Variants in DPP6 observed in about 807,000 individuals in gnomAD.
DPP6 encodes the protein A-type potassium channel modulatory protein DPP6.
Under a neutral mutation model 122.6 loss-of-function variants are expected in DPP6, and 69 were observed. That is an observed-to-expected ratio of 0.56 (90% CI 0.46 to 0.69). The LOEUF (loss-of-function observed/expected upper bound fraction) is 0.69. Ranked by LOEUF, DPP6 falls within the 30% of genes least tolerant of loss-of-function variation. DPP6 has a pLI of 0.00. For synonymous variants in DPP6, 418 were observed against 433.1 expected (o/e 0.97, Z 0.43); for missense variants, 928 against 1,116.9 (o/e 0.83, Z 2.41).
At chr7:154,454,971 C>G (rs116480532) in intron 2 of DPP6, among the ~76,000 whole-genome samples, 2,260 of 152,188 alleles carry the variant, frequency 0.015, 67 homozygotes, top group African/African-American at 0.052. Flanking sequence ...GTTCCAATTG[C>G]AGGTGTCCGT....
intron 7 of DPP6, among the ~76,000 whole-genome samples, chr7:154,702,640 G>A (rs1840589322): frequency 6.6e-6 from 1 of 152,240 alleles, no homozygotes; most frequent in Admixed American, 6.5e-5. Flanking sequence ...AAGGCCAAGG[G>A]AGGTAACGAG....
intron 1 of DPP6, among the ~76,000 whole-genome samples, chr7:154,149,166 G>T (rs1000225690): frequency 6.6e-6 from 1 of 152,268 alleles, no homozygotes; most frequent in Non-Finnish European, 1.5e-5. Context: ...AACAATTGCA[G>T]TGCCTTTACA....
At chr7:154,182,386 C>T (rs1478689712) in intron 1 of DPP6, among the ~76,000 whole-genome samples, 2 of 152,038 alleles carry the variant, frequency 1.3e-5, no homozygotes, top group Non-Finnish European at 2.9e-5. Context: ...CTCTGCTGTC[C>T]CCCTCCTCAT....
At chr7:154,341,232 G>A (rs1263332805) in intron 1 of DPP6, among the ~76,000 whole-genome samples, 2 of 152,166 alleles carry the variant, frequency 1.3e-5, no homozygotes, top group East Asian at 1.9e-4. Flanking sequence ...GGTGTCAAGT[G>A]CAGCGAGGAT....
chr7:154,648,185 T>C (rs1563057579), intron 6 of DPP6, among the ~76,000 whole-genome samples: 2 of 151,748 alleles, frequency 1.3e-5, no homozygotes, highest in African/African-American at 2.4e-5. Context: ...GTTTGAACCC[T>C]TGAACCTGCG....
At chr7:153,921,279 C>G (rs1800626863) in intron 1 of DPP6, among the ~76,000 whole-genome samples, 1 of 152,238 alleles carries the variant, frequency 6.6e-6, no homozygotes. Flanking sequence ...CCTCAGGCCT[C>G]TAGGGTTCTG....
At chr7:154,719,710 C>T (rs1458300008) in intron 7 of DPP6, among the ~76,000 whole-genome samples, 1 of 152,212 alleles carries the variant, frequency 6.6e-6, no homozygotes, top group Non-Finnish European at 1.5e-5. Flanking sequence ...ATGCAGTTCC[C>T]CTGCCTCCCT....
intron 1 of DPP6, among the ~76,000 whole-genome samples, chr7:154,247,879 T>C (rs1038654264): frequency 2.6e-5 from 4 of 152,184 alleles, no homozygotes; most frequent in Admixed American, 1.3e-4. Context: ...TAATAAATAA[T>C]TGTGATCTAT....
the DPP6 span, among the ~76,000 whole-genome samples, chr7:153,776,547 C>T: frequency 3.9e-5 from 6 of 152,138 alleles, no homozygotes; most frequent in African/African-American, 7.2e-5. Context: ...TTACCCAGTC[C>T]TGGGTATGTC....
intron 1 of DPP6, among the ~76,000 whole-genome samples, chr7:154,426,918 G>C (rs1817967774): frequency 6.6e-6 from 1 of 151,642 alleles, no homozygotes; most frequent in Non-Finnish European, 1.5e-5. Context: ...GGAGTCAAAA[G>C]TGTTTGTTTA....
At chr7:154,633,481 C>T (rs1835531209) in intron 5 of DPP6, among the ~76,000 whole-genome samples, 1 of 152,206 alleles carries the variant, frequency 6.6e-6, no homozygotes, top group South Asian at 2.1e-4. Flanking sequence ...GGTGATCCAC[C>T]CGCCTCAGCC....
intron 1 of DPP6, among the ~76,000 whole-genome samples, chr7:154,045,114 T>G (rs1169253610): frequency 6.6e-6 from 1 of 151,544 alleles, no homozygotes; most frequent in Non-Finnish European, 1.5e-5. Flanking sequence ...AAACATCAGT[T>G]CAAGGGCGAA....
chr7:154,239,818 CAAA>C (rs146860382), intron 1 of DPP6, among the ~76,000 whole-genome samples: 2 of 91,856 alleles, frequency 2.2e-5, no homozygotes, highest in Non-Finnish European at 2.6e-5. Flanking sequence ...ACTAAAACTA[CAAA>C]AAAAAAAAAA....
the DPP6 span, among the ~76,000 whole-genome samples, chr7:153,846,903 T>C: frequency 3.9e-5 from 6 of 152,080 alleles, no homozygotes; most frequent in Non-Finnish European, 7.4e-5. Context: ...TTCACCCTGT[T>C]AGCCAGGATG....
intron 1 of DPP6, among the ~76,000 whole-genome samples, chr7:153,968,490 A>G (rs1374445916): frequency 5.3e-5 from 8 of 152,042 alleles, no homozygotes; most frequent in Non-Finnish European, 1.2e-4. Flanking sequence ...TAAAGCTACA[A>G]TATTTTGGTT....
intron 16 of DPP6, among the ~76,000 whole-genome samples, chr7:154,826,003 T>C (rs1003655902): frequency 6.6e-6 from 1 of 152,192 alleles, no homozygotes; most frequent in Non-Finnish European, 1.5e-5. Flanking sequence ...ACTTATATCC[T>C]AGTGAGTAAC....
At chr7:154,460,988 C>T (rs1821251093) in intron 2 of DPP6, among the ~76,000 whole-genome samples, 1 of 149,850 alleles carries the variant, frequency 6.7e-6, no homozygotes, top group South Asian at 2.1e-4. Context: ...TCCCCCTCTG[C>T]CCACCCCCAC....
chr7:154,868,152 A>G, intron 18 of DPP6, 59 bp downstream of exon 18: 1 of 1,547,306 alleles, frequency 6.5e-7, no homozygotes, highest in Non-Finnish European at 8.7e-7. Context: ...GGGCTGTGAC[A>G]CAGTGCAGTC....
chr7:153,784,083 T>C, the DPP6 span, among the ~76,000 whole-genome samples: 2 of 152,200 alleles, frequency 1.3e-5, no homozygotes, highest in African/African-American at 4.8e-5. Context: ...TTTAAAACAA[T>C]ATAAGATAAT....
Sources: gnomAD v4.1 joint callset for allele counts (sites outside exome capture counted in the v4.1 genomes callset) on GRCh38, gnomAD v4.1.1 for gene constraint, MANE v1.5 for transcripts, NCBI Gene and HGNC (gene_info 2026-07-23, HGNC 2026-07-21) for gene names.